Variants in ARID1B observed in about 807,000 individuals in gnomAD.
The protein encoded by ARID1B is AT-rich interaction domain 1B.
Under a neutral mutation model 212.3 loss-of-function variants are expected in ARID1B, and 30 were observed. That is an observed-to-expected ratio of 0.14 (90% confidence interval 0.11 to 0.19). ARID1B has a LOEUF of 0.19. ARID1B is among the 10% of genes least tolerant of loss of function. The probability of loss-of-function intolerance (pLI) is 1.00; values close to 1 mark genes in which losing one functional copy is unlikely to be tolerated. For synonymous variants in ARID1B, 1,402 were observed against 1,301.7 expected (o/e 1.08, Z -1.66); for missense variants, 2,891 against 3,204.0 (o/e 0.90, Z 2.36).
intron 4 of ARID1B, among the ~76,000 whole-genome samples, chr6:156,995,538 C>A (rs573033781): frequency 1.3e-5 from 2 of 152,292 alleles, no homozygotes; most frequent in South Asian, 4.2e-4. Context: ...TTGCTCCAAG[C>A]CCAGGGTACT....
In ARID1B at chr6:156,867,355, A is replaced by T. The variant is rs556145993; in HGVS notation, c.1987-34021A>T. On this transcript the variant is annotated intron_variant, in intron 2 of 19. Coordinates refer to ENST00000636930, the MANE Select transcript of ARID1B (RefSeq NM_001374828.1). ...AATAAGAACCCTCACTGCTGAGGACATAGGAAGAGCCAGGCTGAGTGCCGG... is the reference window on the plus strand; with the variant it reads ...AATAAGAACCCTCACTGCTGAGGACTTAGGAAGAGCCAGGCTGAGTGCCGG... Among the ~76,000 whole-genome samples the T allele has an allele frequency of 2.0e-5, 3 of 152,296 alleles. No homozygotes were observed. The East Asian group carries it at 5.8e-4, about 29-fold the overall frequency.
Position 157,058,288 on chromosome 6 carries a change from G to C in ARID1B, c.2248-26374G>C, listed in dbSNP as rs7739037. 6.0e-3 allele frequency among the ~76,000 whole-genome samples: 867 copies of C among 144,118 alleles called. 15 individuals carry two copies. Among genetic ancestry groups the C allele is most frequent in the African/African-American group, 0.022 (832 of 38,124 alleles). 94.5% of individuals were successfully genotyped at this position (144,118 alleles called of 152,430 possible). ...GGTCTTTTTTTTTTTTTTTTGAGAC[G>C]AAGTCTCACTCTGTTGCCCAAGCTG... On this transcript the variant is annotated intron_variant, in intron 4 of 19. Transcript: ENST00000636930.
At chr6:157,010,750 T>C (rs11752018) in intron 4 of ARID1B, among the ~76,000 whole-genome samples, 2,483 of 152,300 alleles carry the variant, frequency 0.016, 22 homozygotes, top group South Asian at 0.027. Flanking sequence ...AAATTTTGCA[T>C]GTGTGAAACT....
intron 4 of ARID1B, among the ~76,000 whole-genome samples, chr6:157,012,345 C>T (rs1779663192): frequency 6.6e-6 from 1 of 152,188 alleles, no homozygotes; most frequent in Admixed American, 6.5e-5. Flanking sequence ...TGAAGAAGTC[C>T]ACCAGGCAGT....
chr6:156,812,824 C>A (rs1372236299), intron 1 of ARID1B, among the ~76,000 whole-genome samples: 2 of 150,606 alleles, frequency 1.3e-5, no homozygotes, highest in Non-Finnish European at 3.0e-5. Flanking sequence ...TCCTACAGAT[C>A]CTCAACAGTT....
At chr6:157,171,469 G>A (rs999999135) in intron 9 of ARID1B, among the ~76,000 whole-genome samples, 1 of 152,204 alleles carries the variant, frequency 6.6e-6, no homozygotes, top group African/African-American at 2.4e-5. Context: ...GAGGCATATG[G>A]CTCGTTTCAG....
At chr6:156,832,729 A>C (rs1470210679) in intron 2 of ARID1B, among the ~76,000 whole-genome samples, 1 of 152,192 alleles carries the variant, frequency 6.6e-6, no homozygotes, top group Non-Finnish European at 1.5e-5. Context: ...GAAATTTAAC[A>C]TGGAGAGGAG....
intron 1 of ARID1B, among the ~76,000 whole-genome samples, chr6:156,826,980 C>T (rs774741265): frequency 3.3e-5 from 5 of 152,108 alleles, no homozygotes; most frequent in African/African-American, 7.2e-5. Flanking sequence ...TCATATATTC[C>T]TCCTAAATAA....
At chr6:156,909,418 C>G (rs548834606) in intron 3 of ARID1B, among the ~76,000 whole-genome samples, 1 of 152,276 alleles carries the variant, frequency 6.6e-6, no homozygotes, top group South Asian at 2.1e-4. Context: ...GTCACCGCAT[C>G]CGGACAAGGG....
intron 6 of ARID1B, among the ~76,000 whole-genome samples, chr6:157,130,912 A>G (rs1381048582): frequency 2.6e-5 from 4 of 152,152 alleles, no homozygotes; most frequent in African/African-American, 4.8e-5. Context: ...TTGTTTTTCA[A>G]ACTGTCCTTT....
At chr6:157,061,667 A>G (rs745899979) in intron 4 of ARID1B, among the ~76,000 whole-genome samples, 3 of 152,210 alleles carry the variant, frequency 2.0e-5, no homozygotes, top group African/African-American at 7.2e-5. Flanking sequence ...TGGCACATAC[A>G]CTTAAAACTT....
intron 2 of ARID1B, among the ~76,000 whole-genome samples, chr6:156,884,005 C>T (rs936840461): frequency 6.6e-6 from 1 of 152,060 alleles, no homozygotes; most frequent in African/African-American, 2.4e-5. Flanking sequence ...TTGAGATTCT[C>T]TGGGAAAAAA....
intron 3 of ARID1B, among the ~76,000 whole-genome samples, chr6:156,909,179 G>T (rs1268453135): frequency 2.2e-5 from 3 of 135,148 alleles, no homozygotes; most frequent in African/African-American, 8.6e-5. Context: ...AGGCTGGAGT[G>T]CAGTGGTGCA....
At chr6:156,895,320 C>T (rs1289021971) in intron 2 of ARID1B, among the ~76,000 whole-genome samples, 1 of 152,144 alleles carries the variant, frequency 6.6e-6, no homozygotes, top group Non-Finnish European at 1.5e-5. Flanking sequence ...ACTTGTTTCC[C>T]TTGGGAGGAG....
intron 4 of ARID1B, among the ~76,000 whole-genome samples, chr6:157,039,820 C>A (rs1395821892): frequency 1.8e-5 from 2 of 112,552 alleles, no homozygotes; most frequent in African/African-American, 3.8e-5. Context: ...CTTTCTTTTT[C>A]TCTCTTTCTC....
chr6:156,996,417 G>A (rs1348654054), intron 4 of ARID1B, among the ~76,000 whole-genome samples: 1 of 152,210 alleles, frequency 6.6e-6, no homozygotes, highest in Non-Finnish European at 1.5e-5. Flanking sequence ...CCTTCATGGT[G>A]TGCCTGGTTA....
At chr6:156,917,009 C>T (rs1468518366) in intron 3 of ARID1B, among the ~76,000 whole-genome samples, 1 of 152,170 alleles carries the variant, frequency 6.6e-6, no homozygotes, top group East Asian at 1.9e-4. Context: ...GAACAGTTGG[C>T]ATCCTCGCAC....
intron 3 of ARID1B, among the ~76,000 whole-genome samples, chr6:156,918,185 A>G (rs1790508232): frequency 6.6e-6 from 1 of 152,238 alleles, no homozygotes; most frequent in African/African-American, 2.4e-5. Flanking sequence ...CAAGTCATTG[A>G]AGGAACACAG....
At position 156,819,975 on chromosome 6, in the gene ARID1B, G is replaced by C. The variant is rs6930398; in HGVS notation, c.1792-9252G>C. Among the ~76,000 whole-genome samples the C allele has an allele frequency of 2.6e-5, 4 of 152,124 alleles. No individual in the cohort carries two copies. The South Asian group carries it at 8.3e-4, about 32-fold the overall frequency. On this transcript the variant is annotated intron_variant, in intron 1 of 19. Coordinates refer to ENST00000636930, the MANE Select transcript of ARID1B (RefSeq NM_001374828.1). The stretch of plus-strand genomic sequence containing the variant: ...GGGGTCCCACAGATTGACTTGGTAA[G>C]GAGCTGGCTGTGGTGGAGAGGAGAG...
Sources: gnomAD v4.1 joint callset for allele counts (sites outside exome capture counted in the v4.1 genomes callset) on GRCh38, gnomAD v4.1.1 for gene constraint, MANE v1.5 for transcripts, NCBI Gene and HGNC (gene_info 2026-07-23, HGNC 2026-07-21) for gene names.